Variants in NCOA1 observed in about 807,000 individuals in gnomAD.
The protein encoded by NCOA1 is nuclear receptor coactivator 1.
Under a neutral mutation model 150.9 loss-of-function variants are expected in NCOA1, and 35 were observed. The observed-to-expected ratio is 0.23, with a 90% confidence interval of 0.18 to 0.31. The LOEUF is 0.31. Ranked by LOEUF, NCOA1 falls within the 10% of genes least tolerant of loss-of-function variation. The pLI, the probability that NCOA1 is intolerant of heterozygous loss-of-function variation, is 1.00. For missense variants in NCOA1, 1,491 were observed against 1,749.3 expected (o/e 0.85, Z 2.63); for synonymous variants, 590 against 630.0 (o/e 0.94, Z 0.95).
intron 1 of NCOA1, among the ~76,000 whole-genome samples, chr2:24,521,464 A>G (rs764755212): frequency 2.2e-4 from 34 of 152,138 alleles, no homozygotes; most frequent in Non-Finnish European, 1.9e-4. Flanking sequence ...TTAAGATTCT[A>G]AGTATTTAGT....
intron 1 of NCOA1, among the ~76,000 whole-genome samples, chr2:24,496,476 C>T (rs1050628299): frequency 6.6e-6 from 1 of 152,146 alleles, no homozygotes; most frequent in Admixed American, 6.5e-5. Context: ...GTTCTCGTGA[C>T]CTTCAAAAAC....
intron 6 of NCOA1, among the ~76,000 whole-genome samples, chr2:24,668,991 G>GACAT (rs1413858758): frequency 6.6e-6 from 1 of 152,044 alleles, no homozygotes; most frequent in South Asian, 2.1e-4. Flanking sequence ...TGACCCTAGT[G>GACAT]ACATATATAT....
At chr2:24,621,246 A>G (rs1377149332) in intron 3 of NCOA1, among the ~76,000 whole-genome samples, 2 of 152,148 alleles carry the variant, frequency 1.3e-5, no homozygotes, top group South Asian at 2.1e-4. Context: ...AATTACAGTA[A>G]CGGCACTTCA....
intron 1 of NCOA1, among the ~76,000 whole-genome samples, chr2:24,493,272 CG>C (rs1187998196): frequency 1.3e-5 from 2 of 151,988 alleles, no homozygotes; most frequent in Admixed American, 6.5e-5. Context: ...AACGAATGTC[CG>C]AAATGTTTTA....
intron 3 of NCOA1, among the ~76,000 whole-genome samples, chr2:24,638,128 C>A (rs764951267): frequency 1.3e-5 from 2 of 151,666 alleles, no homozygotes; most frequent in African/African-American, 2.4e-5. Flanking sequence ...CTTCCCCCTA[C>A]CCTTCCCAGC....
intron 4 of NCOA1, among the ~76,000 whole-genome samples, chr2:24,650,335 C>T (rs1207432999): frequency 6.6e-6 from 1 of 152,018 alleles, no homozygotes; most frequent in Non-Finnish European, 1.5e-5. Flanking sequence ...ATATTTGGCC[C>T]ATATACAGGA....
chr2:24,580,490 C>T (rs760911229), intron 2 of NCOA1, among the ~76,000 whole-genome samples: 1 of 152,128 alleles, frequency 6.6e-6, no homozygotes, highest in African/African-American at 2.4e-5. Flanking sequence ...TGGATAGTAT[C>T]TATTGTTCTA....
chr2:24,686,024 A>G (rs912653564), intron 8 of NCOA1, among the ~76,000 whole-genome samples: 14 of 152,142 alleles, frequency 9.2e-5, no homozygotes, highest in Non-Finnish European at 1.8e-4. Flanking sequence ...ATTTTGAGAC[A>G]GAGTTTCACT....
chr2:24,559,496 G>C (rs1419042536), intron 1 of NCOA1, among the ~76,000 whole-genome samples: 1 of 152,166 alleles, frequency 6.6e-6, no homozygotes, highest in Non-Finnish European at 1.5e-5. Flanking sequence ...GTGATAGCCT[G>C]TTGTTTGTTA....
intron 3 of NCOA1, among the ~76,000 whole-genome samples, chr2:24,637,975 C>A (rs551305095): frequency 6.7e-6 from 1 of 148,442 alleles, no homozygotes; most frequent in African/African-American, 2.4e-5. Context: ...GGATTACAGA[C>A]GTGAGCCACT....
intron 4 of NCOA1, among the ~76,000 whole-genome samples, chr2:24,645,265 G>C (rs191613997): frequency 4.6e-4 from 69 of 151,452 alleles, no homozygotes; most frequent in African/African-American, 1.6e-3. Context: ...GCTGAGACGG[G>C]TGAATTATGA....
chr2:24,692,170 A>G (rs1470379189), intron 9 of NCOA1, among the ~76,000 whole-genome samples: 1 of 152,236 alleles, frequency 6.6e-6, no homozygotes, highest in African/African-American at 2.4e-5. Flanking sequence ...TAAATATGTG[A>G]CAGTGGATGA....
intron 14 of NCOA1, among the ~76,000 whole-genome samples, chr2:24,716,075 C>T (rs956328408): frequency 6.3e-5 from 9 of 143,514 alleles, no homozygotes; most frequent in Admixed American, 4.4e-4. Flanking sequence ...ACCCAGGAGG[C>T]GGAGATTGCA....
rs1159912533 is a variant in NCOA1 at position 24,491,525 on chromosome 2, G to GCGCCT, written c.-473_-472insCGCCT. 6.1e-5 allele frequency among the ~76,000 whole-genome samples: 9 copies of GCGCCT among 147,254 alleles called. No individual in the cohort carries two copies. Among genetic ancestry groups the GCGCCT allele is most frequent in the African/African-American group, 1.5e-4 (6 of 40,864 alleles). Reference sequence around the variant, plus strand: ...GCGGCGCCGGGCCCGAGGAGCGGCGGAGGCCGGGGCGGCGCCGCCGCCACG... The same window carrying GCGCCT: ...GCGGCGCCGGGCCCGAGGAGCGGCGGCGCCTAGGCCGGGGCGGCGCCGCCGCCACG... On this transcript the variant is annotated 5_prime_UTR_variant, in exon 1 of 23. Coordinates refer to ENST00000348332, the MANE Select transcript of NCOA1 (RefSeq NM_003743.5).
At chr2:24,643,214 A>G (rs1670309644) in intron 3 of NCOA1, among the ~76,000 whole-genome samples, 2 of 152,328 alleles carry the variant, frequency 1.3e-5, no homozygotes, top group African/African-American at 4.8e-5. Context: ...CCTCAAGCCA[A>G]TAAGACTGTG....
chr2:24,492,562 A>G (rs1444064323), intron 1 of NCOA1, among the ~76,000 whole-genome samples: 2 of 152,114 alleles, frequency 1.3e-5, no homozygotes, highest in African/African-American at 4.8e-5. Context: ...GTGTCCGGAG[A>G]GTTTCATGGG....
chr2:24,749,284 G>A (rs755386229), intron 19 of NCOA1, among the ~76,000 whole-genome samples: 1 of 152,196 alleles, frequency 6.6e-6, no homozygotes, highest in African/African-American at 2.4e-5. Flanking sequence ...AGCTGAGGAG[G>A]TGGAGCTGGC....
rs1664975122 is a variant in NCOA1, at chr2:24,533,232, C to T, written c.-395-31063C>T. Among the ~76,000 whole-genome samples the T allele has an allele frequency of 3.9e-5, 6 of 152,106 alleles. No individual in the cohort carries two copies. In the South Asian group the frequency reaches 1.2e-3, roughly 32 times the overall value. On this transcript the variant is annotated intron_variant, in intron 1 of 22. Coordinates refer to ENST00000348332, the MANE Select transcript of NCOA1 (RefSeq NM_003743.5). ...TGTAGCAATTGTGAGTGGGAGTTCA[C>T]TCATGATTTGGCTCTCTGTCTGTTA...
chr2:24,621,089 C>A (rs1402061370), intron 3 of NCOA1, among the ~76,000 whole-genome samples: 2 of 152,066 alleles, frequency 1.3e-5, no homozygotes, highest in South Asian at 4.1e-4. Context: ...CTTATCTACC[C>A]TGCTTTCGTC....
Sources: gnomAD v4.1 joint callset for allele counts (sites outside exome capture counted in the v4.1 genomes callset) on GRCh38, gnomAD v4.1.1 for gene constraint, MANE v1.5 for transcripts, NCBI Gene and HGNC (gene_info 2026-07-23, HGNC 2026-07-21) for gene names.